Variants in ACOT7 observed in about 807,000 individuals in gnomAD.
ACOT7 encodes cytosolic acyl coenzyme A thioester hydrolase.
In ACOT7, 12 loss-of-function variants were observed where a neutral mutation model predicts 40.2. The observed-to-expected ratio is 0.30, with a 90% confidence interval of 0.19 to 0.48. The LOEUF (loss-of-function observed/expected upper bound fraction) is 0.48, where lower values mean the gene tolerates loss of function less well. ACOT7 is among the 20% of genes least tolerant of loss of function. ACOT7 has a pLI of 0.99. For missense variants in ACOT7, 395 were observed against 530.8 expected (o/e 0.74, Z 2.51); for synonymous variants, 228 against 219.5 (o/e 1.04, Z -0.34).
chr1:6,382,504 A>C (rs1642358116), intron 1 of ACOT7, among the ~76,000 whole-genome samples: 1 of 151,868 alleles, frequency 6.6e-6, no homozygotes, highest in Non-Finnish European at 1.5e-5. Context: ...AGAGCAAGAA[A>C]ATATGGCTAC....
chr1:6,269,160 C>T (rs1006325047), intron 8 of ACOT7, among the ~76,000 whole-genome samples: 2 of 152,214 alleles, frequency 1.3e-5, no homozygotes, highest in African/African-American at 4.8e-5. Context: ...AGTAACTTGC[C>T]CAAAGTGACA....
chr1:6,317,125 G>T (rs1640517371), intron 6 of ACOT7, among the ~76,000 whole-genome samples: 1 of 152,168 alleles, frequency 6.6e-6, no homozygotes, highest in African/African-American at 2.4e-5. Flanking sequence ...TGGGACAGAT[G>T]AATAGCTCAG....
intron 1 of ACOT7, chr1:6,360,664 G>T: frequency 6.2e-7 from 1 of 1,614,196 alleles, no homozygotes; most frequent in Non-Finnish European, 8.5e-7. Context: ...GTCTCCCCAC[G>T]TCTCCTGTCG....
rs574063467 is a variant in ACOT7, at chr1:6,358,276, T to C, written c.144-8410A>G. On this transcript the variant is annotated intron_variant, in intron 1 of 8. Coordinates refer to ENST00000361521, the MANE Select transcript of ACOT7 (RefSeq NM_007274.4). The surrounding 1 kb of genome is among the most constrained non-coding windows in gnomAD (Gnocchi z 4.1). ...AAGAGGGAAGGGTGGGAGGAAGGGC[T>C]GTGCCAAGGAAAGTTCCAGCAGCAC... Among the ~76,000 whole-genome samples the C allele has an allele frequency of 5.9e-5, 9 of 152,210 alleles. No homozygotes were observed. The highest frequency in any genetic ancestry group is 5.9e-5 in the Non-Finnish European group (4 of 68,010).
intron 1 of ACOT7, among the ~76,000 whole-genome samples, chr1:6,363,194 G>C (rs541510394): frequency 6.6e-6 from 1 of 152,240 alleles, no homozygotes; most frequent in Non-Finnish European, 1.5e-5. Context: ...CAGAAGACAA[G>C]TGCGAGCCTT....
At chr1:6,375,109 C>G (rs1642202040) in intron 1 of ACOT7, among the ~76,000 whole-genome samples, 1 of 150,336 alleles carries the variant, frequency 6.7e-6, no homozygotes, top group South Asian at 2.1e-4. Flanking sequence ...AGCCCCGTCT[C>G]TACTAAAAAT....
At chr1:6,267,460 G>A (rs1638885578) in intron 8 of ACOT7, among the ~76,000 whole-genome samples, 1 of 151,458 alleles carries the variant, frequency 6.6e-6, no homozygotes, top group African/African-American at 2.5e-5. Flanking sequence ...CAGGTCAGGA[G>A]ATGCCTGCCT....
At chr1:6,332,611 C>A (rs1053936839) in intron 4 of ACOT7, among the ~76,000 whole-genome samples, 3 of 152,074 alleles carry the variant, frequency 2.0e-5, no homozygotes, top group Admixed American at 2.0e-4. Context: ...GTCAGGAGAT[C>A]AAGACCATCC....
chr1:6,393,211 A>G (rs1013689773), intron 1 of ACOT7, 46 bp downstream of exon 1: 2 of 1,249,622 alleles, frequency 1.6e-6, no homozygotes, highest in Non-Finnish European at 2.0e-6. Flanking sequence ...TGGGGCGGTG[A>G]CCGGCGCGCC....
chr1:6,346,862 T>C (rs1013332280), intron 2 of ACOT7, among the ~76,000 whole-genome samples: 1 of 151,890 alleles, frequency 6.6e-6, no homozygotes, highest in Non-Finnish European at 1.5e-5. Context: ...CCTCATGAGT[T>C]TGGGAGGGAG....
At chr1:6,317,575 C>T (rs993526638) in intron 6 of ACOT7, among the ~76,000 whole-genome samples, 8 of 152,148 alleles carry the variant, frequency 5.3e-5, no homozygotes, top group African/African-American at 1.2e-4. Flanking sequence ...GTCTTTGGGG[C>T]CATCGGTGCC....
rs1359356190 is a variant in ACOT7, at chr1:6,393,617, C to T, written c.-218G>A. 6 of 336,518 alleles carry T rather than the reference C, an allele frequency of 1.8e-5. No individual in the cohort carries two copies. The highest frequency in any genetic ancestry group is 6.5e-5 in the African/African-American group (3 of 45,954). 20.8% of individuals were successfully genotyped at this position (336,518 alleles called of 1,614,324 possible). ...CCGCCGCTTCCAGAAGGTTCGGTGG[C>T]GGTTGGGCCGCGCCGGTGCGGGGAA... On this transcript the variant is annotated 5_prime_UTR_variant, in exon 1 of 9. Coordinates refer to ENST00000361521, the MANE Select transcript of ACOT7 (RefSeq NM_007274.4).
At chr1:6,313,594 T>A (rs1334094005) in intron 6 of ACOT7, among the ~76,000 whole-genome samples, 1 of 152,210 alleles carries the variant, frequency 6.6e-6, no homozygotes, top group Non-Finnish European at 1.5e-5. Context: ...CCCACAGATG[T>A]GGCCACATGA....
chr1:6,276,253 G>A (rs1305794286), intron 8 of ACOT7, among the ~76,000 whole-genome samples: 4 of 152,118 alleles, frequency 2.6e-5, no homozygotes, highest in Non-Finnish European at 5.9e-5. Flanking sequence ...GCAGACACAC[G>A]GCTCTGACCC....
intron 7 of ACOT7, among the ~76,000 whole-genome samples, chr1:6,293,761 T>C (rs1251525221): frequency 6.6e-6 from 1 of 152,212 alleles, no homozygotes; most frequent in East Asian, 1.9e-4. Flanking sequence ...TTCCTTCTCC[T>C]TACCACAAAG....
chr1:6,281,155 T>G lies in ACOT7; in HGVS notation c.961A>C (p.Thr321Pro), dbSNP rs1465262924. The G allele has an allele frequency of 6.2e-7, 1 of 1,613,918 alleles. No homozygotes were observed. Among genetic ancestry groups the G allele is most frequent in the East Asian group, 2.2e-5 (1 of 44,886 alleles). ...CCTTCCTGGCTCAGCGACACGTAGG[T>G]GAAGAAGGCACTGGCGGCCCGGTAG... The part of the protein sequence containing the change: ...KRYRAASAFF[T>P]YVSLSQEGRS... The change falls in exon 8 of 9, where the codon ACC becomes CCC. Residue 321 changes from threonine to proline, a missense_variant. By Grantham distance (38) the Thr-to-Pro change is conservative. This residue lies in a region of ACOT7 where 309 missense variants were observed against 470.3 expected (regional missense o/e 0.66). Coordinates refer to ENST00000361521, the MANE Select transcript of ACOT7 (RefSeq NM_007274.4).
rs1398551070 is a variant in ACOT7 at position 6,324,570 on chromosome 1, A to G, written c.625+2729T>C. 4.6e-5 allele frequency among the ~76,000 whole-genome samples: 7 copies of G among 152,298 alleles called. No homozygotes were observed. The East Asian group carries it at 1.4e-3, about 29-fold the overall frequency. ...AAAGGCAGAAGCTAGGATCTAATCC[A>G]TGCTTCTCAAAGCCAGAGTCAGCCC... is the stretch of plus-strand genomic sequence containing the variant. On this transcript the variant is annotated intron_variant, in intron 5 of 8. Coordinates refer to ENST00000361521, the MANE Select transcript of ACOT7 (RefSeq NM_007274.4).
intron 1 of ACOT7, among the ~76,000 whole-genome samples, chr1:6,375,145 C>T (rs371080282): frequency 2.7e-5 from 4 of 150,834 alleles, no homozygotes; most frequent in African/African-American, 7.4e-5. Context: ...GGCGTGGTGG[C>T]GGGCGCCTGT....
chr1:6,318,011 C>T (rs948639044), intron 6 of ACOT7, among the ~76,000 whole-genome samples: 18 of 152,060 alleles, frequency 1.2e-4, no homozygotes, highest in Non-Finnish European at 2.9e-5. Context: ...GGATTACAGG[C>T]GTGACCTATG....
Sources: gnomAD v4.1 joint callset for allele counts (sites outside exome capture counted in the v4.1 genomes callset) on GRCh38, gnomAD v4.1.1 for gene constraint, gnomAD v4.1.1 regional missense constraint, Gnocchi (gnomAD v3.1) non-coding constraint, MANE v1.5 for transcripts, NCBI Gene and HGNC (gene_info 2026-07-23, HGNC 2026-07-21) for gene names.